PCLO: variants seen among roughly 807,000 people sequenced by gnomAD.
PCLO encodes the protein piccolo presynaptic cytomatrix protein.
PCLO carries 82 observed loss-of-function variants against 427.5 expected under a neutral mutation model. The observed-to-expected ratio is 0.19, with a 90% confidence interval of 0.16 to 0.23. The LOEUF (loss-of-function observed/expected upper bound fraction) is 0.23, where lower values mean the gene tolerates loss of function less well. Among genes scored for constraint, PCLO ranks in the 10% least tolerant of loss-of-function variants. The probability of loss-of-function intolerance (pLI) is 1.00; values close to 1 mark genes in which losing one functional copy is unlikely to be tolerated. For missense variants in PCLO, 6,239 were observed against 6,115.9 expected (o/e 1.02, Z -0.67); for synonymous variants, 2,357 against 2,155.4 (o/e 1.09, Z -2.59).
At chr7:82,860,199 T>A (rs1432371202) in intron 10 of PCLO, among the ~76,000 whole-genome samples, 1 of 151,668 alleles carries the variant, frequency 6.6e-6, no homozygotes, top group Non-Finnish European at 1.5e-5. Flanking sequence ...CCTAGAGAAA[T>A]ATATCAATAT....
intron 3 of PCLO, among the ~76,000 whole-genome samples, chr7:83,132,538 T>C (rs1268544860): frequency 6.6e-6 from 1 of 152,098 alleles, no homozygotes; most frequent in East Asian, 1.9e-4. Flanking sequence ...GTATTGTCTT[T>C]CTACCCAAGG....
intron 3 of PCLO, among the ~76,000 whole-genome samples, chr7:83,007,523 T>C (rs533756301): frequency 3.3e-5 from 5 of 151,784 alleles, no homozygotes; most frequent in East Asian, 1.9e-4. Flanking sequence ...GGGAATCACT[T>C]TGGCAACTTA....
chr7:83,079,422 T>A (rs1226777288), intron 3 of PCLO, among the ~76,000 whole-genome samples: 1 of 151,914 alleles, frequency 6.6e-6, no homozygotes, highest in East Asian at 1.9e-4. Context: ...TAGAAATAAC[T>A]CTGCTGGAAC....
At position 82,845,447 on chromosome 7, in the gene PCLO, A is replaced by G. The variant is rs1336603624; in HGVS notation, c.13870T>C (p.Leu4624=). The G allele has an allele frequency of 1.4e-5, 23 of 1,613,088 alleles. No homozygotes were observed. The highest frequency in any genetic ancestry group is 3.3e-4 in the Middle Eastern group (2 of 6,056). ...GAAACCTTCTGGAGTTCTGCTGCCA[A>G]CTGCTTAGGATCAACCCCTGGGGAT... is the stretch of plus-strand genomic sequence containing the variant. ...AKSPGVDPKQ[L]AAELQKVSLQ... The change falls in exon 13 of 25, where the codon TTG becomes CTG. Residue 4624 remains leucine (L), a synonymous_variant. Coordinates refer to ENST00000333891, the MANE Select transcript of PCLO (RefSeq NM_033026.6).
In PCLO at chr7:82,953,837, A is replaced by G; in HGVS notation, c.7116T>C (p.Pro2372=). The G allele has an allele frequency of 6.2e-7, 1 of 1,613,030 alleles. No individual in the cohort carries two copies. Among genetic ancestry groups the G allele is most frequent in the Non-Finnish European group, 8.5e-7 (1 of 1,179,328 alleles). ...GACTGCCAGATGGTAACTGAGATGC[A>G]GGTTTTTCCTGACCAAAGGTCTCTC... ...TSGETFGQEK[P]ASQLPSGSPS... is the part of the protein sequence containing the mutation. The change falls in exon 5 of 25, where the codon CCT becomes CCC. Residue 2372 remains proline (P), a synonymous_variant. Coordinates refer to ENST00000333891, the MANE Select transcript of PCLO (RefSeq NM_033026.6).
chr7:82,766,508 T>C (rs1398514594), intron 22 of PCLO, among the ~76,000 whole-genome samples: 2 of 151,862 alleles, frequency 1.3e-5, no homozygotes, highest in Admixed American at 6.6e-5. Context: ...AAACCATACC[T>C]GGGAGGGAAG....
chr7:83,155,045 T>C lies in PCLO; in HGVS notation c.1596A>G (p.Gln532=), dbSNP rs202219445. Residue 532 remains glutamine (Q), a synonymous_variant, in exon 2 of 25, where the codon CAA becomes CAG. Coordinates refer to ENST00000333891, the MANE Select transcript of PCLO (RefSeq NM_033026.6). ...QQPGSTKPPS[Q]QPGSAKPSAQ... ...CTGAGGGTTTTGCTGAGCCAGGCTG[T>C]TGAGATGGGGGTTTTGTTGAGCCAG... is the stretch of plus-strand genomic sequence containing the variant. The C allele has an allele frequency of 6.2e-7, 1 of 1,612,858 alleles. No homozygotes were observed. Among genetic ancestry groups the C allele is most frequent in the Non-Finnish European group, 8.5e-7 (1 of 1,179,610 alleles).
chr7:82,941,256 C>T (rs1795079005), intron 6 of PCLO, among the ~76,000 whole-genome samples: 1 of 152,088 alleles, frequency 6.6e-6, no homozygotes, highest in Admixed American at 6.6e-5. Flanking sequence ...AATTTTAAAA[C>T]ATACAATTAT....
chr7:82,920,402 T>C (rs1338386848), intron 6 of PCLO, among the ~76,000 whole-genome samples: 1 of 151,696 alleles, frequency 6.6e-6, no homozygotes, highest in Non-Finnish European at 1.5e-5. Context: ...ACCTGGTGCC[T>C]TTAATCTAGA....
rs1722922286 is a variant in PCLO, at chr7:82,758,522, C to G, written c.*53G>C. 6.6e-7 allele frequency: 1 copy of G among 1,510,546 alleles called. No homozygotes were observed. Among genetic ancestry groups the G allele is most frequent in the African/African-American group, 1.4e-5 (1 of 71,576 alleles). 93.6% of individuals were successfully genotyped at this position (1,510,546 alleles called of 1,614,324 possible). On this transcript the variant is annotated 3_prime_UTR_variant, in exon 25 of 25. Coordinates refer to ENST00000333891, the MANE Select transcript of PCLO (RefSeq NM_033026.6). ...TTGTACAATAGTATTCAACTATAGT[C>G]TTGATGTGAGGCTATTTAGAGCAGT...
chr7:82,994,586 T>A (rs558300552), intron 3 of PCLO, among the ~76,000 whole-genome samples: 136 of 145,596 alleles, frequency 9.3e-4, no homozygotes, highest in Non-Finnish European at 1.6e-3. Flanking sequence ...TTATTTTTTA[T>A]ATATATTTTT....
At chr7:82,771,672 C>T (rs73708632) in intron 22 of PCLO, among the ~76,000 whole-genome samples, 7,202 of 152,084 alleles carry the variant, frequency 0.047, 354 homozygotes, top group African/African-American at 0.12. Context: ...ATGTTTCCAT[C>T]AAGATAGCCC....
chr7:82,923,261 T>A (rs1009931692), intron 6 of PCLO, among the ~76,000 whole-genome samples: 56 of 152,082 alleles, frequency 3.7e-4, no homozygotes, highest in African/African-American at 1.3e-3. Flanking sequence ...GAAACTTAAT[T>A]TTTTGAAAAA....
intron 14 of PCLO, among the ~76,000 whole-genome samples, chr7:82,838,992 T>C (rs1474245750): frequency 6.6e-6 from 1 of 152,116 alleles, no homozygotes; most frequent in Non-Finnish European, 1.5e-5. Flanking sequence ...AGATGCTTAT[T>C]GGCTGCTGCA....
At chr7:82,961,276 G>T (rs760330292) in intron 4 of PCLO, among the ~76,000 whole-genome samples, 3 of 152,146 alleles carry the variant, frequency 2.0e-5, no homozygotes, top group Non-Finnish European at 4.4e-5. Flanking sequence ...GGTTCAGGTG[G>T]GATTTTTTCT....
At chr7:82,849,925 A>C (rs1260724067) in intron 10 of PCLO, among the ~76,000 whole-genome samples, 1 of 152,076 alleles carries the variant, frequency 6.6e-6, no homozygotes, top group Admixed American at 6.6e-5. Flanking sequence ...TTTACATTTA[A>C]ATTACTACAA....
At position 82,999,626 on chromosome 7, in the gene PCLO, ATAT is replaced by A. The variant is rs1384841317; in HGVS notation, c.3301-33142_3301-33140del. Among the ~76,000 whole-genome samples, 10 of 64,102 alleles carry A rather than the reference ATAT, an allele frequency of 1.6e-4. 1 individual carries two copies. The highest frequency in any genetic ancestry group is 6.2e-4 in the South Asian group (1 of 1,626). The allele number at this position is 64,102 out of a possible 152,430, so 42.1% of individuals were successfully genotyped here. ...TATTATATATAAAATATAAAATATA[ATAT>A]TATATTAAAATATAAAATATAATAT... On this transcript the variant is annotated intron_variant, in intron 3 of 24. Transcript: ENST00000333891.
chr7:82,999,295 T>C (rs1380779400), intron 3 of PCLO, among the ~76,000 whole-genome samples: 1 of 142,540 alleles, frequency 7.0e-6, no homozygotes, highest in African/African-American at 2.6e-5. Flanking sequence ...GGATATATAA[T>C]ATTATATATT....
At position 82,879,351 on chromosome 7, in the gene PCLO, C is replaced by A; in HGVS notation, c.13640G>T (p.Gly4547Val). 1 of 1,610,720 alleles carries A rather than the reference C, an allele frequency of 6.2e-7. No homozygotes were observed. The highest frequency in any genetic ancestry group is 8.5e-7 in the Non-Finnish European group (1 of 1,178,190). ...ILPGGSAEQT[G>V]KLMEGMQVLE... is the part of the protein sequence containing the mutation. ...CTTATTCTTACCTTCCATAAGCTTC[C>A]CCGTCTGTTCCGCACTTCCCCCAGG... Residue 4547 changes from glycine (G) to valine (V), a missense_variant, in exon 10 of 25, where the codon GGG becomes GTG. Around this residue, in one of 5 missense-constraint regions of PCLO, gnomAD observed 877 missense variants for 925.5 expected, o/e 0.95. Transcript: ENST00000333891.
Sources: allele counts gnomAD v4.1 joint callset (sites outside exome capture counted in the v4.1 genomes callset), GRCh38; gene constraint gnomAD v4.1.1; regional missense constraint gnomAD v4.1.1; transcripts MANE v1.5; gene names NCBI Gene and HGNC (gene_info 2026-07-23, HGNC 2026-07-21).